The following FBXO21 variants were observed in gnomAD, a reference collection of about 807,000 sequenced individuals.
FBXO21 encodes F-box only protein 21.
FBXO21 carries 32 observed loss-of-function variants against 76.6 expected under a neutral mutation model. The observed-to-expected ratio is 0.42, with a 90% CI of 0.32 to 0.56. FBXO21 has a LOEUF of 0.56. FBXO21 is among the 20% of genes least tolerant of loss of function. The probability of loss-of-function intolerance (pLI) is 0.16; values close to 1 mark genes in which losing one functional copy is unlikely to be tolerated. For synonymous variants in FBXO21, 328 were observed against 311.5 expected, an observed-to-expected ratio of 1.05 and a Z score of -0.56; for missense variants, 586 against 797.3, an observed-to-expected ratio of 0.73 and a Z score of 3.19.
chr12:117,155,813 G>A lies in FBXO21; in HGVS notation c.1653C>T (p.Gly551=), dbSNP rs536937735. The change falls in exon 11 of 12, where the codon GGC becomes GGT. Residue 551 remains glycine, a synonymous_variant. Coordinates refer to ENST00000622495, the MANE Select transcript of FBXO21 (RefSeq NM_015002.3). The part of the protein sequence containing the change: ...QPFYNVLVED[G]SCRYAAQENL... ...TACCTTGGGCTGCGTATCGACAGGA[G>A]CCGTCCTCCACCAGCACGTTATAGA... 19 of 1,613,930 alleles carry A rather than the reference G, an allele frequency of 1.2e-5. No homozygotes were observed. In the South Asian group the frequency reaches 1.8e-4, roughly 15 times the overall value.
chr12:117,152,310 A>C (rs552158649), intron 11 of FBXO21, among the ~76,000 whole-genome samples: 2 of 152,106 alleles, frequency 1.3e-5, no homozygotes, highest in African/African-American at 4.8e-5. Flanking sequence ...CTACAAAAAC[A>C]CAAAAAATAG....
intron 3 of FBXO21, among the ~76,000 whole-genome samples, chr12:117,183,663 AAT>A (rs1314867587): frequency 6.6e-6 from 1 of 152,206 alleles, no homozygotes; most frequent in African/African-American, 2.4e-5. Flanking sequence ...AACATTTTTC[AAT>A]ATCTCTTGAG....
chr12:117,174,371 A>C (rs531290597), intron 5 of FBXO21, 30 bp from the exon 6 acceptor site: 1 of 1,612,292 alleles, frequency 6.2e-7, no homozygotes, highest in Admixed American at 1.7e-5. Flanking sequence ...TCTGGGACCC[A>C]AGCACAAAAA....
intron 9 of FBXO21, among the ~76,000 whole-genome samples, chr12:117,164,732 C>T (rs1956031744): frequency 1.3e-5 from 2 of 152,136 alleles, no homozygotes; most frequent in Admixed American, 6.5e-5. Flanking sequence ...AGATTTTACC[C>T]CTCTCTAATG....
In FBXO21 at chr12:117,161,273, A is replaced by T. The variant is rs570937169; in HGVS notation, c.1327-3210T>A. Among the ~76,000 whole-genome samples, 3 of 152,268 alleles carry T rather than the reference A, an allele frequency of 2.0e-5. No homozygotes were observed. In the South Asian group the frequency reaches 6.2e-4, roughly 32 times the overall value. ...CAGAGGCCCTGGGCAGACACGCAGC[A>T]CATGCAAAAGACTGAAGCAAGACAG... On this transcript the variant is annotated intron_variant, in intron 9 of 11. Transcript: ENST00000622495.
At chr12:117,189,069 G>A in intron 2 of FBXO21, 158 bp downstream of exon 2, 1 of 789,968 alleles carries the variant, frequency 1.3e-6, no homozygotes, top group Middle Eastern at 3.5e-4. Context: ...TGGATAGGAG[G>A]AAAAGGACAC....
rs550603314 is a variant in FBXO21, at chr12:117,178,824, T to C, written c.471-1183A>G. Among the ~76,000 whole-genome samples the C allele has an allele frequency of 7.2e-5, 11 of 152,274 alleles. No individual in the cohort carries two copies. In the East Asian group the frequency reaches 1.9e-3, roughly 27 times the overall value. On this transcript the variant is annotated intron_variant, in intron 3 of 11. Transcript: ENST00000622495. ...GCCTTCTTCCCCGATTATATTTCTCTATAGCATGTTTCATTTTCTAATGTA... is the reference window on the plus strand; with the variant it reads ...GCCTTCTTCCCCGATTATATTTCTCCATAGCATGTTTCATTTTCTAATGTA...
In FBXO21 at chr12:117,144,810, C is replaced by T. The variant is rs1955749916; in HGVS notation, c.*1277G>A. 1 of 152,110 alleles carries T rather than the reference C, an allele frequency of 6.6e-6. No homozygotes were observed. Among genetic ancestry groups the T allele is most frequent in the Non-Finnish European group, 1.5e-5 (1 of 68,034 alleles). 9.4% of individuals were successfully genotyped at this position (152,110 alleles called of 1,614,324 possible). On this transcript the variant is annotated 3_prime_UTR_variant, in exon 12 of 12. Coordinates refer to ENST00000622495, the MANE Select transcript of FBXO21 (RefSeq NM_015002.3). ...CTCTGGGCTCAGTTACTGAGAACTTCGGAAAGGAGCCAGTGCCGTCCGAAC... is the reference window on the plus strand; with the variant it reads ...CTCTGGGCTCAGTTACTGAGAACTTTGGAAAGGAGCCAGTGCCGTCCGAAC...
At chr12:117,162,392 G>A (rs1011381513) in intron 9 of FBXO21, among the ~76,000 whole-genome samples, 4 of 152,194 alleles carry the variant, frequency 2.6e-5, no homozygotes, top group East Asian at 1.9e-4. Flanking sequence ...GTGCCGTCAC[G>A]GCATGTGCAG....
intron 7 of FBXO21, 44 bp from the exon 8 acceptor site, chr12:117,167,121 T>A (rs766052218): frequency 6.7e-7 from 1 of 1,486,758 alleles, no homozygotes; most frequent in Non-Finnish European, 9.3e-7. Flanking sequence ...AACAACTCAT[T>A]ATTTTAAGTC....
In FBXO21 at chr12:117,155,394, C is replaced by G. The variant is rs557461812; in HGVS notation, c.1675+397G>C. On this transcript the variant is annotated intron_variant, in intron 11 of 11. Transcript: ENST00000622495. ...GGCCACACGAGGGCATCTCCGGCGT[C>G]AGCCGGCAGCCACAGCCTTGGGAGG... 1.9e-3 allele frequency: 354 copies of G among 189,118 alleles called. 3 individuals carry two copies. Among genetic ancestry groups the G allele is most frequent in the African/African-American group, 7.9e-3 (340 of 42,918 alleles). 11.7% of individuals were successfully genotyped at this position (189,118 alleles called of 1,614,324 possible).
chr12:117,164,321 G>C (rs1043923466), intron 9 of FBXO21, among the ~76,000 whole-genome samples: 3 of 142,100 alleles, frequency 2.1e-5, no homozygotes, highest in African/African-American at 8.0e-5. Context: ...CTGTTGCACT[G>C]GCTAGAGTGA....
rs1000345332 is a variant in FBXO21, at chr12:117,156,841, G to C, written c.1518-893C>G. ...GTCATGTAGATACTGATACACAGAA[G>C]AACAACTACATATCATATTAGGGAG... On this transcript the variant is annotated intron_variant, in intron 10 of 11. Transcript: ENST00000622495. 5.8e-4 allele frequency among the ~76,000 whole-genome samples: 88 copies of C among 152,166 alleles called. 1 individual carries two copies. Among genetic ancestry groups the C allele is most frequent in the Non-Finnish European group, 4.1e-4 (28 of 68,036 alleles).
chr12:117,174,094 G>T (rs962555793), intron 6 of FBXO21, 111 bp downstream of exon 6: 8 of 884,814 alleles, frequency 9.0e-6, no homozygotes, highest in Non-Finnish European at 1.4e-5. Context: ...CTATGATCGC[G>T]CCACTGCATT....
At position 117,190,420 on chromosome 12, in the gene FBXO21, C is replaced by T. The variant is rs1436200024; in HGVS notation, c.37G>A (p.Val13Met). 2 of 1,463,716 alleles carry T rather than the reference C, an allele frequency of 1.4e-6. No individual in the cohort carries two copies. Among genetic ancestry groups the T allele is most frequent in the East Asian group, 2.9e-5 (1 of 34,612 alleles). The allele number at this position is 1,463,716 out of a possible 1,614,324, so 90.7% of individuals were successfully genotyped here. A position where few individuals can be genotyped will look rare whatever the true frequency, so the allele number is the denominator to read the frequency against. Residue 13 changes from valine to methionine, a missense_variant, in exon 1 of 12, where the codon GTG (valine) becomes ATG (methionine). Coordinates refer to ENST00000622495, the MANE Select transcript of FBXO21 (RefSeq NM_015002.3). ...GCGGCCTCCTCCGCCAGCGCCGGCA[C>T]CACCTCCATCGCGCTGTCGACTGCT... The part of the protein sequence containing the change: ...AAAVDSAMEV[V>M]PALAEEAAPE...
chr12:117,190,430 C>G lies in FBXO21; in HGVS notation c.27G>C (p.Ala9=), dbSNP rs746654849. Residue 9 remains alanine, a synonymous_variant, in exon 1 of 12, where the codon GCG becomes GCC. Transcript: ENST00000622495. MAAAAVDS[A]MEVVPALAEE... is the part of the protein sequence containing the mutation. ...CCGCCAGCGCCGGCACCACCTCCAT[C>G]GCGCTGTCGACTGCTGCCGCCGCCA... 1.4e-6 allele frequency: 2 copies of G among 1,445,436 alleles called. No individual in the cohort carries two copies. The highest frequency in any genetic ancestry group is 1.8e-6 in the Non-Finnish European group (2 of 1,088,392). The allele number at this position is 1,445,436 out of a possible 1,614,324, so 89.5% of individuals were successfully genotyped here.
At position 117,158,017 on chromosome 12, in the gene FBXO21, T is replaced by G; in HGVS notation, c.1373A>C (p.His458Pro). ...QHIQTLDPGQHGAVGYLVQHT... is the reference protein window; with the variant it reads ...QHIQTLDPGQPGAVGYLVQHT... ...CTGCACCAGGTAGCCCACCGCCCCG[T>G]GCTGCCCCGGGTCTAGGGTTTGGAT... The change falls in exon 10 of 12, where the codon CAC (histidine) becomes CCC (proline). Residue 458 changes from histidine to proline, a missense_variant. Transcript: ENST00000622495. 1 of 1,614,254 alleles carries G rather than the reference T, an allele frequency of 6.2e-7. No homozygotes were observed. Among genetic ancestry groups the G allele is most frequent in the Non-Finnish European group, 8.5e-7 (1 of 1,180,032 alleles).
At chr12:117,169,103 G>A (rs1468656345) in intron 7 of FBXO21, among the ~76,000 whole-genome samples, 1 of 152,150 alleles carries the variant, frequency 6.6e-6, no homozygotes, top group Non-Finnish European at 1.5e-5. Context: ...ACTGGATAAA[G>A]AAAATATGAC....
At chr12:117,189,456 C>T in intron 1 of FBXO21, 94 bp from the exon 2 acceptor site, 6 of 1,392,286 alleles carry the variant, frequency 4.3e-6, no homozygotes, top group South Asian at 1.2e-5. Flanking sequence ...ACAGCAGTGG[C>T]GTCCAGTGGT....
Sources: allele counts gnomAD v4.1 joint callset (sites outside exome capture counted in the v4.1 genomes callset), GRCh38; gene constraint gnomAD v4.1.1; transcripts MANE v1.5; gene names NCBI Gene and HGNC (gene_info 2026-07-23, HGNC 2026-07-21).